Variants in RGS8 observed in about 807,000 individuals in gnomAD.
RGS8 encodes regulator of G-protein signaling 8.
Under a neutral mutation model 21.7 loss-of-function variants are expected in RGS8, and 8 were observed. That is an observed-to-expected ratio of 0.37 (90% CI 0.22 to 0.66). The LOEUF is 0.66. RGS8 is among the 30% of genes least tolerant of loss of function. The pLI, the probability that RGS8 is intolerant of heterozygous loss-of-function variation, is 0.59. For missense variants in RGS8, 157 were observed against 217.9 expected (o/e 0.72, Z 1.76); for synonymous variants, 80 against 83.6 (o/e 0.96, Z 0.24).
chr1:182,680,368 A>T (rs1417470890), intron 1 of RGS8, among the ~76,000 whole-genome samples: 1 of 152,156 alleles, frequency 6.6e-6, no homozygotes, highest in Non-Finnish European at 1.5e-5. Flanking sequence ...ACAGGGTTCC[A>T]TGGCTTTGGG....
At chr1:182,702,375 T>C in the RGS8 span, among the ~76,000 whole-genome samples, 1 of 152,032 alleles carries the variant, frequency 6.6e-6, no homozygotes, top group East Asian at 1.9e-4. Context: ...ATCGAAAAGA[T>C]GACTAGAGTA....
downstream of RGS8, chr1:182,642,683 G>T (rs1662519081): frequency 6.6e-6 from 1 of 152,238 alleles, no homozygotes; most frequent in African/African-American, 2.4e-5. Context: ...TGGGCCCGCA[G>T]CCTGCGCAGA....
the RGS8 span, among the ~76,000 whole-genome samples, chr1:182,708,497 C>T: frequency 6.6e-6 from 1 of 152,220 alleles, no homozygotes; most frequent in Non-Finnish European, 1.5e-5. Flanking sequence ...ATGGCTCAGA[C>T]AAGGGGTTTG....
chr1:182,726,660 G>A, the RGS8 span, among the ~76,000 whole-genome samples: 8 of 150,350 alleles, frequency 5.3e-5, no homozygotes, highest in Non-Finnish European at 1.0e-4. Flanking sequence ...ACAAAAGCGA[G>A]ACTCTGTCTC....
chr1:182,700,507 G>A, the RGS8 span, among the ~76,000 whole-genome samples: 1 of 152,154 alleles, frequency 6.6e-6, no homozygotes, highest in East Asian at 1.9e-4. Flanking sequence ...AGTCCAGGGT[G>A]GTATTCCAAG....
the RGS8 span, among the ~76,000 whole-genome samples, chr1:182,697,622 A>G: frequency 2.0e-5 from 3 of 152,252 alleles, no homozygotes; most frequent in Non-Finnish European, 4.4e-5. Context: ...TGCTACCGTA[A>G]CAAGGCTGAA....
intron 1 of RGS8, among the ~76,000 whole-genome samples, chr1:182,677,981 G>C (rs1242004012): frequency 6.6e-6 from 1 of 152,184 alleles, no homozygotes; most frequent in Non-Finnish European, 1.5e-5. Context: ...GTAATACATG[G>C]ACTTTGTGTT....
At chr1:182,715,651 C>T in the RGS8 span, among the ~76,000 whole-genome samples, 1 of 152,170 alleles carries the variant, frequency 6.6e-6, no homozygotes, top group Non-Finnish European at 1.5e-5. Context: ...AATATTGATG[C>T]TGCTCGTCTT....
chr1:182,648,926 C>A (rs491587), intron 5 of RGS8, among the ~76,000 whole-genome samples: 1 of 152,190 alleles, frequency 6.6e-6, no homozygotes, highest in Admixed American at 6.5e-5. Flanking sequence ...CATGGCAAAA[C>A]GTCATCTCTA....
the RGS8 span, among the ~76,000 whole-genome samples, chr1:182,741,896 C>T: frequency 6.9e-6 from 1 of 144,576 alleles, no homozygotes; most frequent in African/African-American, 2.5e-5. Flanking sequence ...CCCCCACCTC[C>T]CTCCCGGAGG....
exon 4 of RGS8, chr1:182,666,884 T>C (rs1004245131): frequency 6.2e-7 from 1 of 1,613,844 alleles, no homozygotes; most frequent in Non-Finnish European, 8.5e-7. Flanking sequence ...GAGAGCGCGG[T>C]TGGGTTTGTC....
At chr1:182,649,930 G>C (rs1046039092) in intron 5 of RGS8, among the ~76,000 whole-genome samples, 5 of 149,408 alleles carry the variant, frequency 3.3e-5, no homozygotes, top group African/African-American at 1.2e-4. Flanking sequence ...TTTGGGTGGG[G>C]GGCATGGAGT....
chr1:182,661,586 G>A (rs1033214920), intron 5 of RGS8, among the ~76,000 whole-genome samples: 6 of 151,988 alleles, frequency 3.9e-5, no homozygotes, highest in African/African-American at 1.5e-4. Context: ...GAGAATGAAG[G>A]AGATGAAGGG....
chr1:182,714,454 C>T, the RGS8 span: 1 of 152,188 alleles, frequency 6.6e-6, no homozygotes, highest in Non-Finnish European at 1.5e-5. Flanking sequence ...GTTCTTCAAG[C>T]TCCCACTAAC....
At chr1:182,710,576 T>C in the RGS8 span, among the ~76,000 whole-genome samples, 1 of 152,020 alleles carries the variant, frequency 6.6e-6, no homozygotes, top group Non-Finnish European at 1.5e-5. Context: ...CTCCCACCAA[T>C]GGGGAGAAGA....
chr1:182,643,309 T>TCCCCCCCCCC (rs1456569855), downstream of RGS8: 3 of 56,152 alleles, frequency 5.3e-5, no homozygotes, highest in African/African-American at 9.0e-5. Context: ...CAGCTGTGTC[T>TCCCCCCCCCC]CCCCCCTCCC....
the RGS8 span, among the ~76,000 whole-genome samples, chr1:182,742,444 G>A: frequency 2.0e-5 from 3 of 152,156 alleles, no homozygotes; most frequent in African/African-American, 4.8e-5. Context: ...TCCAGCCTGG[G>A]CACCATTGAG....
At chr1:182,714,808 G>A in the RGS8 span, among the ~76,000 whole-genome samples, 1 of 152,172 alleles carries the variant, frequency 6.6e-6, no homozygotes, top group Middle Eastern at 3.4e-3. Context: ...ATTGCTTTGT[G>A]CTCCAGATGT....
the RGS8 span, among the ~76,000 whole-genome samples, chr1:182,740,785 G>GT: frequency 6.6e-6 from 1 of 151,434 alleles, no homozygotes; most frequent in East Asian, 1.9e-4. Flanking sequence ...TCAAGCATCT[G>GT]TTTAACAAAG....
Sources: allele counts gnomAD v4.1 joint callset (sites outside exome capture counted in the v4.1 genomes callset), GRCh38; gene constraint gnomAD v4.1.1; transcripts MANE v1.5; gene names NCBI Gene and HGNC (gene_info 2026-07-23, HGNC 2026-07-21).